Variants in RNF2 observed in about 807,000 individuals in gnomAD.
RNF2 encodes ring finger protein 2.
Under a neutral mutation model 37.2 loss-of-function variants are expected in RNF2, and 6 were observed. That is an observed-to-expected ratio of 0.16 (90% CI 0.09 to 0.32). The LOEUF (loss-of-function observed/expected upper bound fraction) is 0.32. RNF2 is among the 10% of genes least tolerant of loss of function. The probability of loss-of-function intolerance (pLI) is 1.00; values close to 1 mark genes in which losing one functional copy is unlikely to be tolerated. For missense variants in RNF2, 251 were observed against 404.0 expected, an observed-to-expected ratio of 0.62 and a Z score of 3.25; for synonymous variants, 133 against 132.7, an observed-to-expected ratio of 1.00 and a Z score of -0.02.
intron 5 of RNF2, among the ~76,000 whole-genome samples, chr1:185,099,421 GT>G (rs1454165107): frequency 6.6e-6 from 1 of 152,140 alleles, no homozygotes; most frequent in Non-Finnish European, 1.5e-5. Context: ...CTTCTATTCT[GT>G]TTCTGTTGCT....
At chr1:185,061,102 T>C (rs72739693) in intron 1 of RNF2, among the ~76,000 whole-genome samples, 22,969 of 149,660 alleles carry the variant, frequency 0.15, 2,064 homozygotes, top group East Asian at 0.35. Flanking sequence ...CTCTGGGTGC[T>C]GGAGTGAGAC....
intron 1 of RNF2, among the ~76,000 whole-genome samples, chr1:185,073,129 CGTA>C (rs1029386914): frequency 1.3e-5 from 2 of 149,486 alleles, no homozygotes; most frequent in Non-Finnish European, 3.0e-5. Context: ...TTTATAGCTA[CGTA>C]GTATTCTATA....
intron 4 of RNF2, among the ~76,000 whole-genome samples, chr1:185,097,612 C>T (rs572801176): frequency 7.9e-5 from 12 of 152,374 alleles, no homozygotes; most frequent in Middle Eastern, 3.4e-3. Context: ...TAGTTTACTG[C>T]GCCCTTCAAC....
intron 1 of RNF2, among the ~76,000 whole-genome samples, chr1:185,067,855 C>T (rs1280601500): frequency 2.7e-5 from 4 of 147,738 alleles, no homozygotes; most frequent in Admixed American, 1.4e-4. Flanking sequence ...GGACTACAGG[C>T]GCCTGCCACC....
At chr1:185,053,022 A>G (rs1194185647) in intron 1 of RNF2, among the ~76,000 whole-genome samples, 2 of 152,184 alleles carry the variant, frequency 1.3e-5, no homozygotes, top group African/African-American at 4.8e-5. Context: ...ATAGACAAGG[A>G]AACTGAGGAA....
intron 1 of RNF2, among the ~76,000 whole-genome samples, chr1:185,079,704 C>T (rs543121272): frequency 1.6e-3 from 239 of 152,110 alleles, no homozygotes; most frequent in Non-Finnish European, 2.8e-3. Context: ...CTGAGGTGGG[C>T]GGATCATCTG....
At chr1:185,075,031 T>G (rs867439280) in intron 1 of RNF2, among the ~76,000 whole-genome samples, 68 of 152,250 alleles carry the variant, frequency 4.5e-4, no homozygotes, top group African/African-American at 1.6e-3. Flanking sequence ...AGCCTTGCTC[T>G]GTCGCCCAGG....
At chr1:185,095,869 C>T (rs368481504) in intron 4 of RNF2, among the ~76,000 whole-genome samples, 2 of 152,284 alleles carry the variant, frequency 1.3e-5, no homozygotes, top group East Asian at 3.9e-4. Context: ...TCACATTCCT[C>T]ATTTCTTTTT....
chr1:185,068,034 T>C (rs1335504853), intron 1 of RNF2, among the ~76,000 whole-genome samples: 2 of 151,228 alleles, frequency 1.3e-5, no homozygotes, highest in Admixed American at 6.6e-5. Flanking sequence ...GACAGAGTCT[T>C]GCACTGTTGC....
intron 1 of RNF2, among the ~76,000 whole-genome samples, chr1:185,061,607 A>G (rs974250101): frequency 6.6e-6 from 1 of 152,182 alleles, no homozygotes; most frequent in Non-Finnish European, 1.5e-5. Flanking sequence ...TGGGAAAAAA[A>G]CGGCAGGAAT....
At chr1:185,076,268 G>GTTTTTTTTTTTTTGTTTTTTTTTT (rs1651152904) in intron 1 of RNF2, among the ~76,000 whole-genome samples, 3 of 27,332 alleles carry the variant, frequency 1.1e-4, no homozygotes, top group African/African-American at 3.9e-4. Context: ...TTTATGGGTT[G>GTTTTTTTTTTTTTGTTTTTTTTTT]TTTTTTTTTT....
intron 1 of RNF2, among the ~76,000 whole-genome samples, chr1:185,057,193 C>G (rs565426355): frequency 1.3e-5 from 2 of 152,178 alleles, no homozygotes; most frequent in South Asian, 2.1e-4. Context: ...CACCTGTAGT[C>G]CCAGTTACTA....
intron 1 of RNF2, among the ~76,000 whole-genome samples, chr1:185,055,419 G>A (rs980577252): frequency 1.2e-4 from 18 of 152,126 alleles, no homozygotes; most frequent in African/African-American, 4.1e-4. Context: ...TTGTTTGTTT[G>A]TTGTTGTTGT....
chr1:185,070,416 A>G (rs1330087015), intron 1 of RNF2, among the ~76,000 whole-genome samples: 1 of 152,148 alleles, frequency 6.6e-6, no homozygotes, highest in Non-Finnish European at 1.5e-5. Flanking sequence ...GGATCCCTAA[A>G]ATAGTTCTCT....
intron 1 of RNF2, among the ~76,000 whole-genome samples, chr1:185,075,939 T>G (rs1050858451): frequency 1.3e-5 from 2 of 152,208 alleles, no homozygotes; most frequent in African/African-American, 2.4e-5. Flanking sequence ...GATTTGCAAT[T>G]TACTGATTAT....
At chr1:185,097,684 A>G (rs551289647) in intron 4 of RNF2, among the ~76,000 whole-genome samples, 1 of 152,252 alleles carries the variant, frequency 6.6e-6, no homozygotes, top group Non-Finnish European at 1.5e-5. Flanking sequence ...TAGGTGCACC[A>G]CCACGCCCAG....
At chr1:185,082,112 G>A (rs1651429929) in intron 1 of RNF2, among the ~76,000 whole-genome samples, 1 of 152,046 alleles carries the variant, frequency 6.6e-6, no homozygotes, top group African/African-American at 2.4e-5. Flanking sequence ...TAAAAATGGC[G>A]ATATTTTTGA....
At chr1:185,058,693 T>C (rs1017255989) in intron 1 of RNF2, among the ~76,000 whole-genome samples, 2 of 152,252 alleles carry the variant, frequency 1.3e-5, no homozygotes, top group Non-Finnish European at 2.9e-5. Context: ...TTTTTAATAT[T>C]GATTATTTGA....
intron 1 of RNF2, among the ~76,000 whole-genome samples, chr1:185,073,098 A>G (rs1043896711): frequency 6.8e-6 from 1 of 147,342 alleles, no homozygotes; most frequent in Non-Finnish European, 1.5e-5. Context: ...TTGTATACAT[A>G]TATTGAGTTC....
Sources: allele counts gnomAD v4.1 joint callset (sites outside exome capture counted in the v4.1 genomes callset), GRCh38; gene constraint gnomAD v4.1.1; transcripts MANE v1.5; gene names NCBI Gene and HGNC (gene_info 2026-07-23, HGNC 2026-07-21).